PPP2R2B: variants seen among roughly 807,000 people sequenced by gnomAD.
The protein encoded by PPP2R2B is protein phosphatase 2 regulatory subunit Bbeta.
PPP2R2B carries 5 observed loss-of-function variants against 46.0 expected under a neutral mutation model. The ratio of observed to expected loss-of-function variants is 0.11; its 90% CI spans 0.06 to 0.23. The LOEUF (loss-of-function observed/expected upper bound fraction) is 0.23. Ranked by LOEUF, PPP2R2B falls within the 10% of genes least tolerant of loss-of-function variation. PPP2R2B has a pLI of 1.00. For synonymous variants in PPP2R2B, 215 were observed against 206.7 expected, an observed-to-expected ratio of 1.04 and a Z score of -0.34; for missense variants, 367 against 575.0, an observed-to-expected ratio of 0.64 and a Z score of 3.70.
At chr5:147,037,121 A>G (rs1756076023) in intron 1 of PPP2R2B, among the ~76,000 whole-genome samples, 1 of 151,666 alleles carries the variant, frequency 6.6e-6, no homozygotes, top group Admixed American at 6.6e-5. Context: ...TAACCACTCC[A>G]GCATACAGCT....
chr5:147,023,230 T>A (rs1046179436), intron 1 of PPP2R2B, among the ~76,000 whole-genome samples: 1 of 152,128 alleles, frequency 6.6e-6, no homozygotes, highest in Non-Finnish European at 1.5e-5. Context: ...GACAAGTGTA[T>A]TATAAATCCT....
In PPP2R2B at chr5:146,878,084, T is replaced by C; in HGVS notation, c.-13A>G. On this transcript the variant is annotated 5_prime_UTR_variant, in exon 2 of 10. Coordinates refer to ENST00000394411, the MANE Select transcript of PPP2R2B (RefSeq NM_181675.4). This position sits in a 1 kb window ranked among gnomAD's most constrained non-coding sequence, Gnocchi z 4.5. The stretch of plus-strand genomic sequence containing the variant: ...TGTCCTCCTCCATTGACAGCAGGCT[T>C]ACTTGCGTGGGAACCAGAAGCCGGC... 2 of 1,614,184 alleles carry C rather than the reference T, an allele frequency of 1.2e-6. No homozygotes were observed. The highest frequency in any genetic ancestry group is 1.7e-6 in the Non-Finnish European group (2 of 1,180,034).
intron 2 of PPP2R2B, among the ~76,000 whole-genome samples, chr5:146,714,349 G>A (rs756254397): frequency 1.3e-5 from 2 of 152,086 alleles, no homozygotes; most frequent in African/African-American, 2.4e-5. Context: ...GAGAATGGGA[G>A]GAGAGGAATT....
chr5:146,829,824 C>T (rs1758816072), intron 2 of PPP2R2B, among the ~76,000 whole-genome samples: 2 of 152,010 alleles, frequency 1.3e-5, no homozygotes, highest in Non-Finnish European at 2.9e-5. Flanking sequence ...AAAAACAGGC[C>T]TAAAATTTTG....
intron 1 of PPP2R2B, among the ~76,000 whole-genome samples, chr5:146,905,267 C>G (rs1279823636): frequency 6.6e-6 from 1 of 152,212 alleles, no homozygotes; most frequent in Non-Finnish European, 1.5e-5. Context: ...ATTCAATCCA[C>G]TCCTGTATAT....
At chr5:146,877,581 C>T (rs765798699) in intron 2 of PPP2R2B, among the ~76,000 whole-genome samples, 6 of 152,078 alleles carry the variant, frequency 3.9e-5, no homozygotes, top group Middle Eastern at 3.2e-3. Context: ...TGAAACCTTG[C>T]CCTCCCTGCA....
At chr5:147,020,645 T>C (rs1031740206) in intron 1 of PPP2R2B, among the ~76,000 whole-genome samples, 7 of 152,138 alleles carry the variant, frequency 4.6e-5, no homozygotes, top group Non-Finnish European at 7.4e-5. Context: ...TTTCTGCTTA[T>C]AGGGTTTTGA....
At chr5:146,886,885 A>G (rs944334622) in intron 1 of PPP2R2B, among the ~76,000 whole-genome samples, 1 of 152,006 alleles carries the variant, frequency 6.6e-6, no homozygotes, top group Admixed American at 6.5e-5. Context: ...TGAAACTTGT[A>G]TAGAAAAGAT....
At position 146,955,995 on chromosome 5, in the gene PPP2R2B, T is replaced by C. The variant is rs143284945; in HGVS notation, c.79+99670A>G. On this transcript the variant is annotated intron_variant, in intron 1 of 8. Coordinates refer to the PPP2R2B transcript ENST00000336640. ...GGTTTCACCACGTTGGTCAGGCTGG[T>C]CTCGAACTCCTGAACTCATGATCCA... Among the ~76,000 whole-genome samples, 13 of 152,024 alleles carry C rather than the reference T, an allele frequency of 8.6e-5. No individual in the cohort carries two copies. In the East Asian group the frequency reaches 2.3e-3, roughly 27 times the overall value.
intron 5 of PPP2R2B, among the ~76,000 whole-genome samples, chr5:146,672,669 T>C (rs984282351): frequency 6.6e-6 from 1 of 152,198 alleles, no homozygotes; most frequent in Non-Finnish European, 1.5e-5. Flanking sequence ...TGGTTCAGCA[T>C]GCAAACAAAT....
chr5:146,626,513 C>T (rs1774075889), intron 7 of PPP2R2B, among the ~76,000 whole-genome samples: 1 of 152,196 alleles, frequency 6.6e-6, no homozygotes, highest in African/African-American at 2.4e-5. Flanking sequence ...CCAGTGCCCT[C>T]CCTAGGCTCT....
intron 2 of PPP2R2B, among the ~76,000 whole-genome samples, chr5:146,740,797 T>C (rs1470055080): frequency 6.6e-6 from 1 of 152,012 alleles, no homozygotes; most frequent in Non-Finnish European, 1.5e-5. Flanking sequence ...AGGATAATAA[T>C]GCAAAAATTA....
At chr5:146,890,471 C>T (rs1762460920) in intron 1 of PPP2R2B, among the ~76,000 whole-genome samples, 1 of 152,180 alleles carries the variant, frequency 6.6e-6, no homozygotes, top group Admixed American at 6.5e-5. Flanking sequence ...CTTTGGGAAA[C>T]AGCACGTGGT....
chr5:146,639,023 A>G (rs1367154502), intron 6 of PPP2R2B, among the ~76,000 whole-genome samples: 3 of 152,208 alleles, frequency 2.0e-5, no homozygotes, highest in Non-Finnish European at 4.4e-5. Context: ...CAAGAACTCT[A>G]TATAATTAGC....
At chr5:146,832,377 ATCTTTTTTTTTTT>A (rs1005887383) in intron 2 of PPP2R2B, among the ~76,000 whole-genome samples, 3 of 104,298 alleles carry the variant, frequency 2.9e-5, no homozygotes, top group African/African-American at 7.3e-5. Flanking sequence ...GCCATTTTTA[ATCTTTTTTTTTTT>A]TTTTTTTTTT....
intron 2 of PPP2R2B, among the ~76,000 whole-genome samples, chr5:146,766,353 A>T (rs960707628): frequency 6.6e-6 from 1 of 152,196 alleles, no homozygotes; most frequent in South Asian, 2.1e-4. Flanking sequence ...ATGAATTACC[A>T]TTTTCCAGAG....
chr5:146,667,498 A>T (rs1385358730), intron 5 of PPP2R2B, among the ~76,000 whole-genome samples: 2 of 152,128 alleles, frequency 1.3e-5, no homozygotes, highest in Non-Finnish European at 2.9e-5. Context: ...GAGAAAAAGA[A>T]GAAAGCAGGG....
intron 6 of PPP2R2B, among the ~76,000 whole-genome samples, chr5:146,643,483 G>A (rs1775364450): frequency 6.6e-6 from 1 of 152,218 alleles, no homozygotes; most frequent in Non-Finnish European, 1.5e-5. Context: ...ATATGTCCTA[G>A]ATTGAATAGA....
intron 2 of PPP2R2B, among the ~76,000 whole-genome samples, chr5:146,840,771 A>T (rs1170556211): frequency 1.3e-5 from 2 of 152,248 alleles, no homozygotes; most frequent in African/African-American, 4.8e-5. Context: ...TCAAAGATAT[A>T]AATGATGCTG....
Sources: allele counts gnomAD v4.1 joint callset (sites outside exome capture counted in the v4.1 genomes callset), GRCh38; gene constraint gnomAD v4.1.1; non-coding constraint Gnocchi (gnomAD v3.1); transcripts MANE v1.5; gene names NCBI Gene and HGNC (gene_info 2026-07-23, HGNC 2026-07-21).